Variants in STRA8 observed in about 807,000 individuals in gnomAD.
STRA8 encodes stimulated by retinoic acid 8.
STRA8 carries 18 observed loss-of-function variants against 37.1 expected under a neutral mutation model. The observed-to-expected ratio is 0.48, with a 90% CI of 0.34 to 0.72. The LOEUF is 0.72. STRA8 is among the 30% of genes least tolerant of loss of function. STRA8 has a pLI of 0.01. For synonymous variants in STRA8, 168 were observed against 162.9 expected, an observed-to-expected ratio of 1.03 and a Z score of -0.24; for missense variants, 357 against 410.4, an observed-to-expected ratio of 0.87 and a Z score of 1.13.
At chr7:135,257,749 AT>A (rs1177876148) in intron 8 of STRA8, among the ~76,000 whole-genome samples, 1 of 152,232 alleles carries the variant, frequency 6.6e-6, no homozygotes, top group African/African-American at 2.4e-5. Flanking sequence ...GCTTAAAAAA[AT>A]ATCATCTCCT....
chr7:135,253,507 G>C (rs983043813), intron 7 of STRA8, among the ~76,000 whole-genome samples: 6 of 152,210 alleles, frequency 3.9e-5, no homozygotes, highest in South Asian at 2.1e-4. Context: ...TGGGCCCTGA[G>C]TTTAGGGGAC....
At chr7:135,248,957 T>C in intron 6 of STRA8, among the ~76,000 whole-genome samples, 1 of 152,104 alleles carries the variant, frequency 6.6e-6, no homozygotes. Flanking sequence ...TTCTGTTCCA[T>C]GATGGCTCAA....
At chr7:135,247,889 C>G (rs1329190990) in intron 6 of STRA8, among the ~76,000 whole-genome samples, 1 of 152,232 alleles carries the variant, frequency 6.6e-6, no homozygotes, top group Non-Finnish European at 1.5e-5. Context: ...GAACACTGCT[C>G]TACCACACGG....
At chr7:135,231,997 G>T (rs752702647), upstream of STRA8, 2 of 1,614,072 alleles carry the variant, frequency 1.2e-6, no homozygotes, top group Non-Finnish European at 1.7e-6. Flanking sequence ...GATTGATGTG[G>T]ACAAGATCCT....
intron 1 of STRA8, among the ~76,000 whole-genome samples, chr7:135,238,483 G>A (rs1832412341): frequency 1.3e-5 from 2 of 152,218 alleles, no homozygotes; most frequent in Admixed American, 6.5e-5. Flanking sequence ...ACCCAGCACT[G>A]GCATTGGGAG....
chr7:135,237,532 A>G (rs1022827623), intron 1 of STRA8, among the ~76,000 whole-genome samples: 7 of 152,244 alleles, frequency 4.6e-5, no homozygotes, highest in Non-Finnish European at 1.0e-4. Flanking sequence ...CACTTCTTCC[A>G]GGCGAGCCAG....
chr7:135,239,975 G>A (rs1260582667), intron 1 of STRA8, among the ~76,000 whole-genome samples: 3 of 151,878 alleles, frequency 2.0e-5, no homozygotes, highest in Non-Finnish European at 2.9e-5. Context: ...GCATACACCT[G>A]TGTAACTACT....
At chr7:135,253,147 C>A (rs545433963) in intron 7 of STRA8, among the ~76,000 whole-genome samples, 1 of 152,182 alleles carries the variant, frequency 6.6e-6, no homozygotes, top group African/African-American at 2.4e-5. Flanking sequence ...GTTGGCCAGG[C>A]TGGTCTCGAA....
At chr7:135,233,140 G>T (rs1832317752), upstream of STRA8, among the ~76,000 whole-genome samples, 1 of 152,110 alleles carries the variant, frequency 6.6e-6, no homozygotes, top group South Asian at 2.1e-4. Context: ...ATCTATATTT[G>T]GGAAGGAAAA....
chr7:135,251,134 T>A (rs1483357848), intron 6 of STRA8, among the ~76,000 whole-genome samples: 4 of 152,252 alleles, frequency 2.6e-5, no homozygotes, highest in South Asian at 4.1e-4. Context: ...GCAGATAATG[T>A]TCAATTATGT....
Position 135,250,756 on chromosome 7 carries a change from C to T in STRA8, c.880-1040C>T, listed in dbSNP as rs376153951. 1.4e-4 allele frequency among the ~76,000 whole-genome samples: 22 copies of T among 152,336 alleles called. No individual in the cohort carries two copies. The South Asian group carries it at 3.9e-3, about 27-fold the overall frequency. The stretch of plus-strand genomic sequence containing the variant: ...CCCAGTTCAATTTTTAATACAAAAA[C>T]GTCCCATGCATGATTCAAAACATTC... On this transcript the variant is annotated intron_variant, in intron 6 of 8. Transcript: ENST00000662584.
intron 7 of STRA8, 88 bp downstream of exon 7, chr7:135,251,957 T>A: frequency 8.2e-7 from 1 of 1,226,942 alleles, no homozygotes; most frequent in Non-Finnish European, 1.2e-6. Context: ...TGAGTTTGCA[T>A]GTGCATGAAT....
At chr7:135,244,540 T>A (rs925132839) in intron 4 of STRA8, among the ~76,000 whole-genome samples, 1 of 152,266 alleles carries the variant, frequency 6.6e-6, no homozygotes, top group Non-Finnish European at 1.5e-5. Context: ...TTTAATAGAT[T>A]GAGCTTTTTG....
intron 1 of STRA8, among the ~76,000 whole-genome samples, chr7:135,234,819 G>T (rs188799523): frequency 6.6e-6 from 1 of 152,342 alleles, no homozygotes; most frequent in East Asian, 1.9e-4. Flanking sequence ...GAAAGGTTAT[G>T]TTTGGCAAGC....
chr7:135,232,103 T>C (rs1832301878), upstream of STRA8: 4 of 1,423,488 alleles, frequency 2.8e-6, no homozygotes, highest in Admixed American at 5.1e-5. Flanking sequence ...CATCTGCTTG[T>C]GTGTGTGGCA....
At chr7:135,253,213 C>G (rs1222008223) in intron 7 of STRA8, among the ~76,000 whole-genome samples, 1 of 152,210 alleles carries the variant, frequency 6.6e-6, no homozygotes, top group Admixed American at 6.5e-5. Flanking sequence ...GGATTACAGG[C>G]GTGAGCCACA....
In STRA8 at chr7:135,251,884, G is replaced by A. The variant is rs762672260; in HGVS notation, c.953+15G>A. Reference sequence around the variant, plus strand: ...TCTAGCTCCAGGTGAGGAAGAGGGTGTGAGATAGCATGTGCCCCTGTGTGG... The same window carrying A: ...TCTAGCTCCAGGTGAGGAAGAGGGTATGAGATAGCATGTGCCCCTGTGTGG... On this transcript the variant is annotated intron_variant, in intron 7 of 8. Coordinates refer to ENST00000662584, the MANE Select transcript of STRA8 (RefSeq NM_001394401.1). 8.7e-6 allele frequency: 14 copies of A among 1,613,602 alleles called. No individual in the cohort carries two copies. The highest frequency in any genetic ancestry group is 1.2e-5 in the Non-Finnish European group (14 of 1,179,602).
intron 1 of STRA8, among the ~76,000 whole-genome samples, chr7:135,235,631 G>A (rs989809272): frequency 4.6e-5 from 7 of 151,970 alleles, no homozygotes; most frequent in African/African-American, 1.7e-4. Context: ...AGTAAGAGAC[G>A]GGGTTTCACC....
At chr7:135,244,232 T>C (rs1379284573) in intron 4 of STRA8, among the ~76,000 whole-genome samples, 1 of 152,200 alleles carries the variant, frequency 6.6e-6, no homozygotes, top group Non-Finnish European at 1.5e-5. Context: ...CTAGTTTTTG[T>C]ATTTTTAGTA....
Sources: allele counts gnomAD v4.1 joint callset (sites outside exome capture counted in the v4.1 genomes callset), GRCh38; gene constraint gnomAD v4.1.1; transcripts MANE v1.5; gene names NCBI Gene and HGNC (gene_info 2026-07-23, HGNC 2026-07-21).